FBXW11: variants seen among roughly 807,000 people sequenced by gnomAD.
FBXW11 encodes the protein F-box and WD repeat domain containing 11.
Under a neutral mutation model 77.6 loss-of-function variants are expected in FBXW11, and 19 were observed. The ratio of observed to expected loss-of-function variants is 0.24; its 90% CI spans 0.17 to 0.36. The LOEUF (loss-of-function observed/expected upper bound fraction) is 0.36, where lower values mean the gene tolerates loss of function less well. Among genes scored for constraint, FBXW11 ranks in the 10% least tolerant of loss-of-function variants. FBXW11 has a pLI of 1.00. For synonymous variants in FBXW11, 235 were observed against 249.4 expected, an observed-to-expected ratio of 0.94 and a Z score of 0.54; for missense variants, 334 against 704.2, an observed-to-expected ratio of 0.47 and a Z score of 5.95.
intron 7 of FBXW11, among the ~76,000 whole-genome samples, chr5:171,880,888 G>A (rs1758456355): frequency 6.6e-6 from 1 of 152,168 alleles, no homozygotes; most frequent in Non-Finnish European, 1.5e-5. Flanking sequence ...TGGAGACGGA[G>A]TTTCACCATG....
intron 2 of FBXW11, among the ~76,000 whole-genome samples, chr5:171,950,260 T>C (rs1561713896): frequency 6.6e-6 from 1 of 152,154 alleles, no homozygotes; most frequent in African/African-American, 2.4e-5. Context: ...ATGGCAATGC[T>C]TGGAATATAA....
In FBXW11 at chr5:171,891,594, G is replaced by C. The variant is rs1293328849; in HGVS notation, c.725C>G (p.Ser242Cys). The C allele has an allele frequency of 1.2e-6, 2 of 1,610,136 alleles. No individual in the cohort carries two copies. Among genetic ancestry groups the C allele is most frequent in the Admixed American group, 3.4e-5 (2 of 59,458 alleles). Residue 242 changes from serine (S) to cysteine (C), a missense_variant, in exon 7 of 14, where the codon TCT becomes TGT. Ser to Cys is a moderately radical substitution (Grantham distance 112). This residue lies in a region of FBXW11 where 70 missense variants were observed against 136.6 expected (regional missense o/e 0.51). Transcript: ENST00000517395. ...KIIQDIETIESNWRCGRHNLQ... is the reference protein window; with the variant it reads ...KIIQDIETIECNWRCGRHNLQ... ...GTTGTGTCGTCCACACCGCCAGTTA[G>C]ATTCTATAGTCTAGGGAAAAAAGGA...
intron 7 of FBXW11, among the ~76,000 whole-genome samples, chr5:171,882,789 CTTTTA>C (rs1179998147): frequency 2.6e-5 from 4 of 151,118 alleles, no homozygotes; most frequent in Non-Finnish European, 5.9e-5. Flanking sequence ...TTTTTTATTG[CTTTTA>C]TTTTTTTATT....
At chr5:171,909,381 T>C (rs1184773276) in intron 4 of FBXW11, among the ~76,000 whole-genome samples, 1 of 152,236 alleles carries the variant, frequency 6.6e-6, no homozygotes. Flanking sequence ...GAAACCATTC[T>C]GTAGGAGACT....
At chr5:171,952,654 T>G (rs1039964843) in intron 2 of FBXW11, among the ~76,000 whole-genome samples, 1 of 149,984 alleles carries the variant, frequency 6.7e-6, no homozygotes, top group Admixed American at 6.7e-5. Flanking sequence ...GGTTTCACCA[T>G]GTTGGCCAGG....
intron 1 of FBXW11, among the ~76,000 whole-genome samples, chr5:171,965,802 T>C (rs571480881): frequency 1.2e-4 from 18 of 152,230 alleles, no homozygotes; most frequent in Middle Eastern, 3.4e-3. Flanking sequence ...AACATATTCA[T>C]GTAGTTTGGC....
At chr5:171,988,707 T>C (rs1765577138) in intron 1 of FBXW11, among the ~76,000 whole-genome samples, 1 of 151,646 alleles carries the variant, frequency 6.6e-6, no homozygotes, top group Non-Finnish European at 1.5e-5. Context: ...TAGCCAGGCA[T>C]GGTGGCAGGT....
chr5:171,899,196 T>C lies in FBXW11; in HGVS notation c.624-102A>G, dbSNP rs373446843. ...AGATATATCTTTCATGTCTTTTAAT[T>C]TGCATTGAGTTTTAACAGTTCAAAA... On this transcript the variant is annotated intron_variant, in intron 5 of 13. Coordinates refer to ENST00000517395, the MANE Select transcript of FBXW11 (RefSeq NM_001378974.1). The C allele has an allele frequency of 1.0e-4, 77 of 751,302 alleles. 1 individual carries two copies. Among genetic ancestry groups the C allele is most frequent in the Middle Eastern group, 2.8e-4 (1 of 3,604 alleles). 46.5% of individuals were successfully genotyped at this position (751,302 alleles called of 1,614,324 possible). A position where few individuals can be genotyped will look rare whatever the true frequency, so the allele number is the denominator to read the frequency against.
chr5:171,981,087 A>C (rs1288459948), intron 1 of FBXW11, among the ~76,000 whole-genome samples: 1 of 152,012 alleles, frequency 6.6e-6, no homozygotes, highest in African/African-American at 2.4e-5. Context: ...GTTAATCACC[A>C]ATGCCCAATG....
chr5:171,876,376 C>T lies in FBXW11; in HGVS notation c.1130G>A (p.Arg377His). The change falls in exon 9 of 14, where the codon CGC becomes CAC. Residue 377 changes from arginine (R) to histidine (H), a missense_variant. This residue lies in a region of FBXW11 where 50 missense variants were observed against 119.6 expected (regional missense o/e 0.42). Coordinates refer to ENST00000517395, the MANE Select transcript of FBXW11 (RefSeq NM_001378974.1). The surrounding 1 kb of genome is among the most constrained non-coding windows in gnomAD (Gnocchi z 4.2). Reference sequence around the variant, plus strand: ...AGCCCGGTGGCCAACCAGGACACGGCGTAAAGTGATGTCGGTCGCAGAAGC... The same window carrying T: ...AGCCCGGTGGCCAACCAGGACACGGTGTAAAGTGATGTCGGTCGCAGAAGC... ...DMASATDITL[R>H]RVLVGHRAAV... 1.9e-6 allele frequency: 3 copies of T among 1,614,068 alleles called. No homozygotes were observed. The highest frequency in any genetic ancestry group is 2.5e-6 in the Non-Finnish European group (3 of 1,180,000).
At chr5:171,947,405 C>T (rs1047707439) in intron 2 of FBXW11, among the ~76,000 whole-genome samples, 1 of 152,042 alleles carries the variant, frequency 6.6e-6, no homozygotes, top group Non-Finnish European at 1.5e-5. Flanking sequence ...GATTAAAAGG[C>T]TTAAAGTCCA....
intron 6 of FBXW11, 141 bp downstream of exon 6, chr5:171,898,863 G>T: frequency 2.0e-6 from 1 of 487,842 alleles, no homozygotes; most frequent in South Asian, 4.0e-5. Flanking sequence ...TATACAACAT[G>T]ACACATTTAC....
At chr5:171,929,774 C>G (rs1762072808) in intron 2 of FBXW11, among the ~76,000 whole-genome samples, 1 of 152,162 alleles carries the variant, frequency 6.6e-6, no homozygotes, top group South Asian at 2.1e-4. Flanking sequence ...ATGGCATGAA[C>G]CCGGGAGGCG....
At chr5:171,987,545 G>C (rs1765513022) in intron 1 of FBXW11, among the ~76,000 whole-genome samples, 1 of 152,102 alleles carries the variant, frequency 6.6e-6, no homozygotes, top group East Asian at 1.9e-4. Flanking sequence ...CCACCTCCCG[G>C]GTTCAAGCGA....
chr5:171,991,852 C>T (rs1385043413), intron 1 of FBXW11, among the ~76,000 whole-genome samples: 1 of 152,156 alleles, frequency 6.6e-6, no homozygotes, highest in Non-Finnish European at 1.5e-5. Context: ...GGTTGGCTCA[C>T]ATCTGTAATC....
At chr5:171,942,989 G>C (rs887197025) in intron 2 of FBXW11, among the ~76,000 whole-genome samples, 2 of 152,002 alleles carry the variant, frequency 1.3e-5, no homozygotes, top group Admixed American at 6.6e-5. Flanking sequence ...ACTATCATCA[G>C]AGCTACCATT....
At position 171,957,803 on chromosome 5, in the gene FBXW11, C is replaced by G. The variant is rs1415418695; in HGVS notation, c.46-105G>C. 10 of 948,684 alleles carry G rather than the reference C, an allele frequency of 1.1e-5. No homozygotes were observed. The East Asian group carries it at 2.5e-4, about 24-fold the overall frequency. The allele number at this position is 948,684 out of a possible 1,614,324, so 58.8% of individuals were successfully genotyped here. ...ATGTTAGTTGGGGCAGGGGGTGCAC[C>G]CTTGGCAGTTTGGAGGTTAGGGATG... On this transcript the variant is annotated intron_variant, in intron 1 of 13. Transcript: ENST00000517395.
At chr5:171,994,752 A>G (rs1233341995) in intron 1 of FBXW11, among the ~76,000 whole-genome samples, 2 of 152,178 alleles carry the variant, frequency 1.3e-5, no homozygotes, top group Admixed American at 6.5e-5. Flanking sequence ...TATCCTTCAG[A>G]AGACAAAGTG....
chr5:171,943,227 T>C (rs1455550988), intron 2 of FBXW11, among the ~76,000 whole-genome samples: 1 of 152,202 alleles, frequency 6.6e-6, no homozygotes, highest in African/African-American at 2.4e-5. Context: ...TCTCTGCATG[T>C]AACATAAGGC....
Sources: allele counts gnomAD v4.1 joint callset (sites outside exome capture counted in the v4.1 genomes callset), GRCh38; gene constraint gnomAD v4.1.1; regional missense constraint gnomAD v4.1.1; non-coding constraint Gnocchi (gnomAD v3.1); transcripts MANE v1.5; gene names NCBI Gene and HGNC (gene_info 2026-07-23, HGNC 2026-07-21).